The following LIPI variants were observed in gnomAD, a reference collection of about 807,000 sequenced individuals.
LIPI encodes lipase member I.
A neutral mutation model predicts 50.6 loss-of-function variants in LIPI; 59 were observed. That is an observed-to-expected ratio of 1.16 (90% CI 0.94 to 1.45). The LOEUF (loss-of-function observed/expected upper bound fraction) is 1.45. Ranked by LOEUF, LIPI falls within the 40% of genes most tolerant of loss-of-function variation. The pLI is 0.00. For missense variants in LIPI, 586 were observed against 536.3 expected (o/e 1.09, Z -0.92); for synonymous variants, 203 against 178.2 (o/e 1.14, Z -1.11).
chr21:14,139,126 G>C (rs749029212), intron 9 of LIPI, among the ~76,000 whole-genome samples: 15 of 152,034 alleles, frequency 9.9e-5, no homozygotes, highest in Non-Finnish European at 1.6e-4. Flanking sequence ...AGGGCCAGAA[G>C]TATTAACACT....
At chr21:14,173,288 A>C (rs976893659) in intron 4 of LIPI, among the ~76,000 whole-genome samples, 1 of 152,226 alleles carries the variant, frequency 6.6e-6, no homozygotes, top group African/African-American at 2.4e-5. Context: ...ATAATTTCTA[A>C]GACCTGCTGG....
chr21:14,201,595 T>A (rs2020056470), intron 1 of LIPI, among the ~76,000 whole-genome samples: 1 of 152,144 alleles, frequency 6.6e-6, no homozygotes, highest in Non-Finnish European at 1.5e-5. Context: ...CATATGATTA[T>A]CTCAGTAGAT....
At chr21:14,138,197 T>A (rs574281490) in intron 9 of LIPI, among the ~76,000 whole-genome samples, 1 of 142,628 alleles carries the variant, frequency 7.0e-6, no homozygotes, top group African/African-American at 2.5e-5. Flanking sequence ...CCCCTAAACA[T>A]AGATAAAAAA....
At chr21:14,170,640 A>T (rs934312129) in intron 4 of LIPI, among the ~76,000 whole-genome samples, 1 of 152,216 alleles carries the variant, frequency 6.6e-6, no homozygotes, top group Non-Finnish European at 1.5e-5. Flanking sequence ...CAGATGCAGA[A>T]AAGTTTTTTG....
intron 3 of LIPI, among the ~76,000 whole-genome samples, chr21:14,182,844 CAAACAA>C (rs1568873146): frequency 3.3e-5 from 5 of 152,108 alleles, no homozygotes; most frequent in Non-Finnish European, 7.4e-5. Context: ...AAAGAGGATA[CAAACAA>C]ATGGAAGAAC....
rs111476363 is a variant in LIPI at position 14,126,646 on chromosome 21, G to C, written c.1296-17566C>G. 7.0e-3 allele frequency among the ~76,000 whole-genome samples: 1,071 copies of C among 152,232 alleles called. 18 individuals are homozygous for C. The highest frequency in any genetic ancestry group is 0.022 in the African/African-American group (900 of 41,534). ...TATCATTTATATTGTATTAAATACT[G>C]TAAGTAATCTACAGATAAGGTTTAA... On this transcript the variant is annotated intron_variant, in intron 9 of 9. Transcript: ENST00000681601.
In LIPI at chr21:14,116,568, C is replaced by T. The variant is rs567200387; in HGVS notation, c.1296-7488G>A. ...TGATTATGGAATGAAGTTAAGACCG[C>T]AGAGGCTAAGAACCCTTTTTGAAAT... On this transcript the variant is annotated intron_variant, in intron 9 of 9. Coordinates refer to ENST00000681601, the MANE Select transcript of LIPI (RefSeq NM_001302998.2). Among the ~76,000 whole-genome samples the T allele has an allele frequency of 2.6e-5, 4 of 152,286 alleles. No individual in the cohort carries two copies. The East Asian group carries it at 7.7e-4, about 29-fold the overall frequency.
At chr21:14,194,054 C>T (rs901728944) in intron 1 of LIPI, among the ~76,000 whole-genome samples, 1 of 152,136 alleles carries the variant, frequency 6.6e-6, no homozygotes, top group Non-Finnish European at 1.5e-5. Context: ...ATCACTATCA[C>T]TAATAATTGG....
intron 9 of LIPI, among the ~76,000 whole-genome samples, chr21:14,134,141 G>A (rs1394221433): frequency 2.0e-5 from 3 of 152,112 alleles, no homozygotes; most frequent in Non-Finnish European, 4.4e-5. Flanking sequence ...TGAGGTGGGA[G>A]GATCACTTGG....
At chr21:14,166,559 A>G (rs2018692968) in intron 4 of LIPI, 108 bp from the exon 5 acceptor site, 1 of 705,100 alleles carries the variant, frequency 1.4e-6, no homozygotes, top group Non-Finnish European at 2.6e-6. Context: ...TTTAAATATT[A>G]GAATTGAAAA....
chr21:14,154,607 T>C (rs148515337), intron 7 of LIPI, among the ~76,000 whole-genome samples: 1 of 152,004 alleles, frequency 6.6e-6, no homozygotes, highest in Admixed American at 6.6e-5. Context: ...GGATATAATA[T>C]TGAAGATAGA....
intron 3 of LIPI, among the ~76,000 whole-genome samples, chr21:14,183,909 T>G (rs150229743): frequency 6.6e-6 from 1 of 152,040 alleles, no homozygotes; most frequent in South Asian, 2.1e-4. Context: ...ACTGTGGAAG[T>G]CAGTGTGGCG....
At chr21:14,111,360 A>T (rs2016405342) in intron 9 of LIPI, among the ~76,000 whole-genome samples, 1 of 152,094 alleles carries the variant, frequency 6.6e-6, no homozygotes, top group Admixed American at 6.6e-5. Context: ...ACACATTTTC[A>T]TATACCTGTT....
intron 1 of LIPI, among the ~76,000 whole-genome samples, chr21:14,202,238 G>A (rs1386999552): frequency 6.6e-5 from 10 of 152,088 alleles, no homozygotes; most frequent in African/African-American, 1.2e-4. Flanking sequence ...AATCAATATC[G>A]TGAAAATGGC....
chr21:14,181,784 A>T lies in LIPI; in HGVS notation c.617T>A (p.Val206Glu). Residue 206 changes from valine to glutamate, a missense_variant, in exon 4 of 10, where the codon GTG becomes GAG. Coordinates refer to ENST00000681601, the MANE Select transcript of LIPI (RefSeq NM_001302998.2). ...ATTGGAGTCAGAATGGATGACATCC[A>T]CAAACTTTGCATCCGTGTAATCTAA... ...SRLDYTDAKFVDVIHSDSNGL... is the reference protein window; with the variant it reads ...SRLDYTDAKFEDVIHSDSNGL... 6.2e-7 allele frequency: 1 copy of T among 1,610,716 alleles called. No individual in the cohort carries two copies. Among genetic ancestry groups the T allele is most frequent in the Non-Finnish European group, 8.5e-7 (1 of 1,177,262 alleles).
intron 4 of LIPI, among the ~76,000 whole-genome samples, chr21:14,171,937 A>C (rs969093624): frequency 6.7e-6 from 1 of 150,192 alleles, no homozygotes; most frequent in South Asian, 2.1e-4. Flanking sequence ...GCAACCTACA[A>C]AATGGGAGAA....
Position 14,176,005 on chromosome 21 carries a change from C to A in LIPI, c.643+5753G>T, listed in dbSNP as rs909636301. On this transcript the variant is annotated intron_variant, in intron 4 of 9. Transcript: ENST00000681601. ...CGTCCTGGCTAACACGGTGAAACCC[C>A]GTCTCTACTAAAAATACAAAAAATT... Among the ~76,000 whole-genome samples, 9 of 151,952 alleles carry A rather than the reference C, an allele frequency of 5.9e-5. No individual in the cohort carries two copies. The East Asian group carries it at 9.7e-4, about 16-fold the overall frequency.
At chr21:14,174,910 CT>C (rs1265287519) in intron 4 of LIPI, among the ~76,000 whole-genome samples, 1 of 152,162 alleles carries the variant, frequency 6.6e-6, no homozygotes, top group Non-Finnish European at 1.5e-5. Context: ...TAGATTTCAC[CT>C]TTGTGAAAAA....
intron 9 of LIPI, among the ~76,000 whole-genome samples, chr21:14,134,672 C>A (rs900969234): frequency 1.3e-5 from 2 of 151,986 alleles, no homozygotes; most frequent in Non-Finnish European, 2.9e-5. Flanking sequence ...ACAAAGTCAA[C>A]AAAATAACAC....
Sources: allele counts gnomAD v4.1 joint callset (sites outside exome capture counted in the v4.1 genomes callset), GRCh38; gene constraint gnomAD v4.1.1; transcripts MANE v1.5; gene names NCBI Gene and HGNC (gene_info 2026-07-23, HGNC 2026-07-21).